SLC16A10: variants seen among roughly 807,000 people sequenced by gnomAD.
The protein encoded by SLC16A10 is solute carrier family 16 member 10.
Under a neutral mutation model 40.0 loss-of-function variants are expected in SLC16A10, and 27 were observed. The observed-to-expected ratio is 0.67, with a 90% CI of 0.50 to 0.93. The LOEUF (loss-of-function observed/expected upper bound fraction) is 0.93, where lower values mean the gene tolerates loss of function less well. Among genes scored for constraint, SLC16A10 ranks in the 40% least tolerant of loss-of-function variants. The pLI is 0.00. For synonymous variants in SLC16A10, 213 were observed against 249.8 expected (o/e 0.85, Z 1.39); for missense variants, 529 against 658.2 (o/e 0.80, Z 2.15).
rs188158851 is a variant in SLC16A10, at chr6:111,165,448, A to C, written c.344-7247A>C. On this transcript the variant is annotated intron_variant, in intron 1 of 5. Coordinates refer to ENST00000368851, the MANE Select transcript of SLC16A10 (RefSeq NM_018593.5). ...TGAAACAAGATGCAAGAAGAGGAAA[A>C]CATAGAGGCCTTTTAAATATGCCTA... is the stretch of plus-strand genomic sequence containing the variant. Among the ~76,000 whole-genome samples, 40 of 152,348 alleles carry C rather than the reference A, an allele frequency of 2.6e-4. No individual in the cohort carries two copies. In the East Asian group the frequency reaches 7.7e-3, roughly 29 times the overall value.
intron 1 of SLC16A10, among the ~76,000 whole-genome samples, chr6:111,131,234 G>A (rs1279150619): frequency 6.6e-6 from 1 of 152,242 alleles, no homozygotes; most frequent in Non-Finnish European, 1.5e-5. Flanking sequence ...GTCCAGCGAG[G>A]TGGTGCCCAT....
intron 3 of SLC16A10, among the ~76,000 whole-genome samples, chr6:111,190,911 C>A (rs1409945304): frequency 6.6e-6 from 1 of 152,218 alleles, no homozygotes; most frequent in African/African-American, 2.4e-5. Flanking sequence ...GACGTTTTCA[C>A]CATTGTCTTG....
intron 1 of SLC16A10, among the ~76,000 whole-genome samples, chr6:111,134,227 C>T (rs756429869): frequency 6.6e-6 from 1 of 152,142 alleles, no homozygotes; most frequent in African/African-American, 2.4e-5. Flanking sequence ...TGCTAACTTG[C>T]GTGCTAGAAG....
intron 1 of SLC16A10, among the ~76,000 whole-genome samples, chr6:111,139,431 A>C (rs1158053319): frequency 7.9e-5 from 12 of 152,054 alleles, no homozygotes; most frequent in Admixed American, 7.9e-4. Context: ...CCTCCTGAGT[A>C]GCTGGGACTA....
chr6:111,100,482 G>A (rs529007826), intron 1 of SLC16A10, among the ~76,000 whole-genome samples: 37 of 152,028 alleles, frequency 2.4e-4, no homozygotes, highest in Non-Finnish European at 4.4e-4. Context: ...TCTGCCTCCC[G>A]TGTACAAGCG....
chr6:111,149,205 TCTC>T (rs529223373), intron 1 of SLC16A10, among the ~76,000 whole-genome samples: 39 of 152,300 alleles, frequency 2.6e-4, no homozygotes, highest in African/African-American at 7.2e-4. Flanking sequence ...CTGTTTTTAA[TCTC>T]CTCCCTGGTC....
chr6:111,222,373 TA>T lies in SLC16A10; in HGVS notation c.*139del. The T allele has an allele frequency of 8.7e-7, 1 of 1,147,504 alleles. No homozygotes were observed. The highest frequency in any genetic ancestry group is 1.2e-6 in the Non-Finnish European group (1 of 860,456). The allele number at this position is 1,147,504 out of a possible 1,614,324, so 71.1% of individuals were successfully genotyped here. A position where few individuals can be genotyped will look rare whatever the true frequency, so the allele number is the denominator to read the frequency against. On this transcript the variant is annotated 3_prime_UTR_variant, in exon 6 of 6. Coordinates refer to ENST00000368851, the MANE Select transcript of SLC16A10 (RefSeq NM_018593.5). ...CACAATAATTGGGAAATAGAACCCT[TA>T]TCACTAGAAGAACCATTTTCTGCCA... is the stretch of plus-strand genomic sequence containing the variant.
At chr6:111,098,073 G>A (rs1394322053) in intron 1 of SLC16A10, among the ~76,000 whole-genome samples, 1 of 152,142 alleles carries the variant, frequency 6.6e-6, no homozygotes, top group Non-Finnish European at 1.5e-5. Flanking sequence ...TTGGGAGGCC[G>A]AGGTGGGCGG....
At chr6:111,115,976 AG>A (rs946108141) in intron 1 of SLC16A10, among the ~76,000 whole-genome samples, 16 of 152,124 alleles carry the variant, frequency 1.1e-4, no homozygotes, top group Admixed American at 1.0e-3. Flanking sequence ...CCCATGAAAA[AG>A]GAATATTTCT....
At chr6:111,153,159 C>A (rs955655714) in intron 1 of SLC16A10, among the ~76,000 whole-genome samples, 25 of 152,078 alleles carry the variant, frequency 1.6e-4, no homozygotes, top group Admixed American at 1.3e-3. Context: ...AGCTTTTTTG[C>A]GTCCTTATTC....
In SLC16A10 at chr6:111,223,391, T is replaced by A. The variant is rs1368141629; in HGVS notation, c.*1156T>A. 1.3e-5 allele frequency: 2 copies of A among 152,134 alleles called. No homozygotes were observed. Among genetic ancestry groups the A allele is most frequent in the Non-Finnish European group, 2.9e-5 (2 of 68,018 alleles). The allele number at this position is 152,134 out of a possible 1,614,324, so 9.4% of individuals were successfully genotyped here. A position where few individuals can be genotyped will look rare whatever the true frequency, so the allele number is the denominator to read the frequency against. ...CAGATTATCATAAGAAAGCTCTCAG[T>A]TTGAGGACCCAAAATAAAACCAAAG... is the stretch of plus-strand genomic sequence containing the variant. On this transcript the variant is annotated 3_prime_UTR_variant, in exon 6 of 6. Coordinates refer to ENST00000368851, the MANE Select transcript of SLC16A10 (RefSeq NM_018593.5).
At chr6:111,203,132 T>G (rs1773199502) in intron 3 of SLC16A10, among the ~76,000 whole-genome samples, 1 of 152,196 alleles carries the variant, frequency 6.6e-6, no homozygotes, top group South Asian at 2.1e-4. Flanking sequence ...ATATCCATTT[T>G]GTCCTATATT....
Position 111,218,704 on chromosome 6 carries a change from C to T in SLC16A10, c.1087-110C>T, listed in dbSNP as rs1770826748. ...AAAATCAAAGTGAATGAGGCAGTGG[C>T]AGGGGGGAAAGGGGGAACCAGTAAT... On this transcript the variant is annotated intron_variant, in intron 4 of 5. Transcript: ENST00000368851. The T allele has an allele frequency of 6.0e-6, 5 of 828,112 alleles. No homozygotes were observed. In the African/African-American group the frequency reaches 6.7e-5, roughly 11 times the overall value. 51.3% of individuals were successfully genotyped at this position (828,112 alleles called of 1,614,324 possible). A position where few individuals can be genotyped will look rare whatever the true frequency, so the allele number is the denominator to read the frequency against.
intron 1 of SLC16A10, among the ~76,000 whole-genome samples, chr6:111,160,829 T>C (rs1417799764): frequency 6.6e-6 from 1 of 152,114 alleles, no homozygotes; most frequent in African/African-American, 2.4e-5. Context: ...GGACTCAGAA[T>C]GGGGAGTGTG....
intron 1 of SLC16A10, among the ~76,000 whole-genome samples, chr6:111,125,180 G>T (rs1212026658): frequency 6.6e-6 from 1 of 152,124 alleles, no homozygotes; most frequent in African/African-American, 2.4e-5. Flanking sequence ...CCTGCCAAAA[G>T]ACGTATTTTA....
chr6:111,219,273 A>G (rs1049905920), intron 5 of SLC16A10, among the ~76,000 whole-genome samples: 8 of 152,054 alleles, frequency 5.3e-5, no homozygotes, highest in Non-Finnish European at 1.0e-4. Flanking sequence ...ACTATATAAA[A>G]CACTTTGGGA....
intron 1 of SLC16A10, among the ~76,000 whole-genome samples, chr6:111,145,511 C>T (rs1203158701): frequency 6.6e-6 from 1 of 152,100 alleles, no homozygotes. Context: ...ACAAATGGTG[C>T]TGGAACAACT....
At chr6:111,213,769 TG>T (rs1444451410) in intron 4 of SLC16A10, among the ~76,000 whole-genome samples, 1 of 152,236 alleles carries the variant, frequency 6.6e-6, no homozygotes, top group Non-Finnish European at 1.5e-5. Context: ...GAAGTGACAC[TG>T]GCCTCTGTGT....
At chr6:111,215,273 A>C (rs1281989997) in intron 4 of SLC16A10, among the ~76,000 whole-genome samples, 1 of 152,182 alleles carries the variant, frequency 6.6e-6, no homozygotes, top group Non-Finnish European at 1.5e-5. Flanking sequence ...AATTGTTCTA[A>C]AACAACATTA....
Sources: allele counts gnomAD v4.1 joint callset (sites outside exome capture counted in the v4.1 genomes callset), GRCh38; gene constraint gnomAD v4.1.1; transcripts MANE v1.5; gene names NCBI Gene and HGNC (gene_info 2026-07-23, HGNC 2026-07-21).